The following TMEM63A variants were observed in gnomAD, a reference collection of about 807,000 sequenced individuals.
TMEM63A encodes the protein transmembrane protein 63A.
Under a neutral mutation model 100.6 loss-of-function variants are expected in TMEM63A, and 76 were observed. The ratio of observed to expected loss-of-function variants is 0.76; its 90% CI spans 0.63 to 0.91. TMEM63A has a LOEUF of 0.91. TMEM63A is among the 40% of genes least tolerant of loss of function. The pLI is 0.00. For missense variants in TMEM63A, 876 were observed against 1,008.8 expected (o/e 0.87, Z 1.78); for synonymous variants, 401 against 401.1 (o/e 1.00, Z 0.00).
At chr1:225,861,905 C>T in intron 13 of TMEM63A, 1 of 393,044 alleles carries the variant, frequency 2.5e-6, no homozygotes. Context: ...AAGGCTGGCA[C>T]ATGAAGCCAA....
chr1:225,850,334 TAA>T (rs1293443255), intron 20 of TMEM63A, among the ~76,000 whole-genome samples: 1 of 151,972 alleles, frequency 6.6e-6, no homozygotes, highest in Non-Finnish European at 1.5e-5. Context: ...AAATTTAAGA[TAA>T]AGTTATAGGA....
chr1:225,871,061 C>G lies in TMEM63A; in HGVS notation c.371+15G>C. On this transcript the variant is annotated intron_variant, in intron 6 of 24. Coordinates refer to ENST00000366835, the MANE Select transcript of TMEM63A (RefSeq NM_014698.3). ...GCCCAAAGGCCCCCCAGCAGCTGCC[C>G]CCGGGTGTACTCACTGCAGACGGAA... 6.2e-7 allele frequency: 1 copy of G among 1,613,754 alleles called. No individual in the cohort carries two copies. Among genetic ancestry groups the G allele is most frequent in the Non-Finnish European group, 8.5e-7 (1 of 1,179,694 alleles).
chr1:225,880,118 T>C (rs1440207029), intron 1 of TMEM63A, among the ~76,000 whole-genome samples: 2 of 152,142 alleles, frequency 1.3e-5, no homozygotes, highest in East Asian at 3.9e-4. Context: ...CAAAGTTTGA[T>C]ATGAACTCAG....
chr1:225,873,359 C>T (rs928275268), intron 4 of TMEM63A, among the ~76,000 whole-genome samples: 1 of 152,176 alleles, frequency 6.6e-6, no homozygotes, highest in African/African-American at 2.4e-5. Flanking sequence ...GCAGGGATCA[C>T]GGGGAAAGAT....
At chr1:225,877,218 A>G (rs1670849300) in intron 3 of TMEM63A, among the ~76,000 whole-genome samples, 177 bp downstream of exon 3, 2 of 152,202 alleles carry the variant, frequency 1.3e-5, no homozygotes, top group Non-Finnish European at 2.9e-5. Flanking sequence ...TCCGGAGCAG[A>G]AAGGGGAGGT....
At chr1:225,848,604 G>C in intron 22 of TMEM63A, 50 bp from the exon 23 acceptor site, 1 of 1,590,624 alleles carries the variant, frequency 6.3e-7, no homozygotes, top group Non-Finnish European at 8.6e-7. Flanking sequence ...TGATCTCTGT[G>C]AACAAACACC....
At chr1:225,877,873 G>C (rs1178627948) in intron 2 of TMEM63A, among the ~76,000 whole-genome samples, 2 of 152,216 alleles carry the variant, frequency 1.3e-5, no homozygotes, top group African/African-American at 4.8e-5. Flanking sequence ...GGGCGACATG[G>C]AGCAAAGGAG....
In TMEM63A at chr1:225,866,626, A is replaced by G. The variant is rs1402285465; in HGVS notation, c.623T>C (p.Val208Ala). Residue 208 changes from valine (V) to alanine (A), a missense_variant, in exon 9 of 25, where the codon GTG becomes GCG. Around this residue, in one of 5 missense-constraint regions of TMEM63A, gnomAD observed 487 missense variants for 581.9 expected, o/e 0.84. Transcript: ENST00000366835. Reference sequence around the variant, plus strand: ...CTGAGTGTGGTGCCGCATGAAACCCACAGTGAGGAAGAGGTAAATGACAGC... The same window carrying G: ...CTGAGTGTGGTGCCGCATGAAACCCGCAGTGAGGAAGAGGTAAATGACAGC... ...IFAVIYLFLT[V>A]GFMRHHTQSI... The G allele has an allele frequency of 1.2e-6, 2 of 1,613,974 alleles. No individual in the cohort carries two copies. Among genetic ancestry groups the G allele is most frequent in the African/African-American group, 2.7e-5 (2 of 74,910 alleles).
At chr1:225,877,286 T>G in intron 3 of TMEM63A, 109 bp downstream of exon 3, 1 of 1,313,970 alleles carries the variant, frequency 7.6e-7, no homozygotes, top group Non-Finnish European at 1.0e-6. Flanking sequence ...AGAGTTGAGA[T>G]TTAAACCCAG....
chr1:225,851,648 C>CA, intron 20 of TMEM63A, among the ~76,000 whole-genome samples: 1 of 152,342 alleles, frequency 6.6e-6, no homozygotes, highest in African/African-American at 2.4e-5. Context: ...GGATTACAGG[C>CA]ATAAGCCATC....
intron 6 of TMEM63A, 114 bp from the exon 7 acceptor site, chr1:225,868,144 C>T: frequency 3.7e-6 from 5 of 1,355,540 alleles, no homozygotes; most frequent in Non-Finnish European, 5.0e-6. Flanking sequence ...ATCGCTATCC[C>T]CACATTTTTG....
chr1:225,855,336 CA>C (rs1669564490), intron 18 of TMEM63A, among the ~76,000 whole-genome samples: 1 of 152,140 alleles, frequency 6.6e-6, no homozygotes, highest in Non-Finnish European at 1.5e-5. Context: ...CCTCATAGCT[CA>C]TTGTAAAGAT....
rs139018601 is a variant in TMEM63A, at chr1:225,862,436, C to A, written c.951+19G>T. 6.2e-7 allele frequency: 1 copy of A among 1,613,796 alleles called. No homozygotes were observed. The highest frequency in any genetic ancestry group is 2.2e-5 in the East Asian group (1 of 44,860). Reference sequence around the variant, plus strand: ...CGATGCCAATGCCTCTGCTCCCAGCCGGGGGGTGGGACCCTTACCCACTCA... The same window carrying A: ...CGATGCCAATGCCTCTGCTCCCAGCAGGGGGGTGGGACCCTTACCCACTCA... On this transcript the variant is annotated intron_variant, in intron 12 of 24. Transcript: ENST00000366835. This position sits in a 1 kb window ranked among gnomAD's most constrained non-coding sequence, Gnocchi z 5.1.
intron 6 of TMEM63A, among the ~76,000 whole-genome samples, chr1:225,870,443 C>T (rs923595704): frequency 4.2e-5 from 1 of 23,970 alleles, no homozygotes; most frequent in Admixed American, 3.8e-4. Context: ...CATCAGTCCC[C>T]GCCCCCCCCC....
intron 20 of TMEM63A, among the ~76,000 whole-genome samples, chr1:225,851,127 G>GA (rs1669312983): frequency 6.6e-6 from 1 of 152,148 alleles, no homozygotes; most frequent in Non-Finnish European, 1.5e-5. Flanking sequence ...AATCATCTTG[G>GA]AAAGAGGCTG....
chr1:225,855,508 T>C (rs1023535507), intron 18 of TMEM63A, among the ~76,000 whole-genome samples: 6 of 152,200 alleles, frequency 3.9e-5, no homozygotes, highest in Admixed American at 2.0e-4. Context: ...CCCAGAGGCA[T>C]CCTGGCTGCC....
chr1:225,844,640 C>T (rs202060323), downstream of TMEM63A: 189 of 1,613,576 alleles, frequency 1.2e-4, 2 homozygotes, highest in Middle Eastern at 1.5e-3. Flanking sequence ...CTGGCTGAGC[C>T]GAGAACAGGG....
chr1:225,873,192 G>A (rs1670606278), intron 4 of TMEM63A, among the ~76,000 whole-genome samples: 1 of 152,190 alleles, frequency 6.6e-6, no homozygotes, highest in Non-Finnish European at 1.5e-5. Flanking sequence ...CGCACAGCCA[G>A]GGATACAGCA....
chr1:225,847,006 CCT>C (rs2102804795), intron 24 of TMEM63A, 26 bp downstream of exon 24: 1 of 1,588,788 alleles, frequency 6.3e-7, no homozygotes, highest in South Asian at 1.1e-5. Flanking sequence ...CACAGGCTCC[CCT>C]GAGCCTGGCC....
Sources: gnomAD v4.1 joint callset for allele counts (sites outside exome capture counted in the v4.1 genomes callset) on GRCh38, gnomAD v4.1.1 for gene constraint, gnomAD v4.1.1 regional missense constraint, Gnocchi (gnomAD v3.1) non-coding constraint, MANE v1.5 for transcripts, NCBI Gene and HGNC (gene_info 2026-07-23, HGNC 2026-07-21) for gene names.